Variants in FAM135A observed in about 807,000 individuals in gnomAD.
The protein encoded by FAM135A is family with sequence similarity 135 member A.
In FAM135A, 79 loss-of-function variants were observed where a neutral mutation model predicts 146.8. That is an observed-to-expected ratio of 0.54 (90% CI 0.45 to 0.65). The LOEUF (loss-of-function observed/expected upper bound fraction) is 0.65, where lower values mean the gene tolerates loss of function less well. Ranked by LOEUF, FAM135A falls within the 30% of genes least tolerant of loss-of-function variation. The probability of loss-of-function intolerance (pLI) is 0.00; values close to 1 mark genes in which losing one functional copy is unlikely to be tolerated. For missense variants in FAM135A, 1,623 were observed against 1,758.2 expected, an observed-to-expected ratio of 0.92 and a Z score of 1.38; for synonymous variants, 562 against 603.6, an observed-to-expected ratio of 0.93 and a Z score of 1.01.
chr6:70,557,998 C>G (rs1025299037), intron 21 of FAM135A, among the ~76,000 whole-genome samples: 1 of 152,146 alleles, frequency 6.6e-6, no homozygotes, highest in Non-Finnish European at 1.5e-5. Flanking sequence ...GAGTCTTAAC[C>G]TTCAGATGAG....
chr6:70,507,165 G>C (rs1379431891), intron 12 of FAM135A, among the ~76,000 whole-genome samples: 2 of 152,016 alleles, frequency 1.3e-5, no homozygotes, highest in Non-Finnish European at 2.9e-5. Flanking sequence ...AATCATGGAA[G>C]GATAATAAAG....
intron 11 of FAM135A, among the ~76,000 whole-genome samples, chr6:70,498,152 C>A (rs1787730940): frequency 6.6e-6 from 1 of 151,962 alleles, no homozygotes; most frequent in African/African-American, 2.4e-5. Context: ...CAATTTCAGA[C>A]CTTGTTATTG....
intron 5 of FAM135A, among the ~76,000 whole-genome samples, chr6:70,456,928 G>A (rs1259708130): frequency 2.0e-5 from 3 of 152,150 alleles, no homozygotes; most frequent in Non-Finnish European, 2.9e-5. Flanking sequence ...CTTTTCAGGC[G>A]TGGTAGTGGC....
At chr6:70,501,336 C>A (rs975020737) in intron 11 of FAM135A, among the ~76,000 whole-genome samples, 1 of 152,176 alleles carries the variant, frequency 6.6e-6, no homozygotes. Context: ...ATGGCAGACA[C>A]CCCTCCCCTA....
chr6:70,486,255 A>G (rs1252413663), intron 10 of FAM135A: 2 of 1,610,890 alleles, frequency 1.2e-6, no homozygotes, highest in African/African-American at 2.7e-5. Flanking sequence ...GTACGTTTAC[A>G]AATAGCTTAA....
intron 5 of FAM135A, among the ~76,000 whole-genome samples, chr6:70,461,510 A>G (rs1033369122): frequency 1.3e-5 from 2 of 152,232 alleles, no homozygotes; most frequent in African/African-American, 4.8e-5. Flanking sequence ...AATTTCTATT[A>G]TATAGCAAGT....
At chr6:70,556,685 ATAC>A in intron 20 of FAM135A, 62 bp from the exon 21 acceptor site, 1 of 1,071,650 alleles carries the variant, frequency 9.3e-7, no homozygotes, top group Non-Finnish European at 1.3e-6. Context: ...ACTTAATATG[ATAC>A]TAATAACTTG....
intron 4 of FAM135A, among the ~76,000 whole-genome samples, chr6:70,440,623 G>A (rs1389192589): frequency 6.6e-6 from 1 of 152,190 alleles, no homozygotes; most frequent in African/African-American, 2.4e-5. Context: ...GGGAGGCAGA[G>A]GTTGCAGTGA....
At chr6:70,516,108 G>A (rs1792141175) in intron 12 of FAM135A, among the ~76,000 whole-genome samples, 1 of 152,100 alleles carries the variant, frequency 6.6e-6, no homozygotes, top group South Asian at 2.1e-4. Context: ...CAGTTTTACA[G>A]TTGTTTGCAG....
chr6:70,419,077 A>G lies in FAM135A; in HGVS notation c.-134+3701A>G, dbSNP rs139193562. ...TCGGCTACAGAACATGACTGTTACA[A>G]TAATACTTGGTTATTTACAACAGAA... is the stretch of plus-strand genomic sequence containing the variant. On this transcript the variant is annotated intron_variant, in intron 2 of 21. Transcript: ENST00000418814. Among the ~76,000 whole-genome samples the G allele has an allele frequency of 1.4e-3, 217 of 152,358 alleles. 1 individual carries two copies. Among genetic ancestry groups the G allele is most frequent in the Middle Eastern group, 6.8e-3 (2 of 294 alleles).
chr6:70,426,716 G>T (rs1770233661), intron 3 of FAM135A, 184 bp downstream of exon 3: 1 of 152,176 alleles, frequency 6.6e-6, no homozygotes. Context: ...CAAGGTCGAG[G>T]ATTGTTTATG....
At chr6:70,444,566 TAAGAAAAAGAATAA>T (rs1221782642) in intron 4 of FAM135A, among the ~76,000 whole-genome samples, 1 of 151,934 alleles carries the variant, frequency 6.6e-6, no homozygotes, top group East Asian at 1.9e-4. Context: ...CCTGTCTCAA[TAAGAAAAAGAATAA>T]AAGAAAAAAA....
At chr6:70,533,592 T>G (rs1015910384) in intron 17 of FAM135A, among the ~76,000 whole-genome samples, 165 bp from the exon 18 acceptor site, 2 of 152,170 alleles carry the variant, frequency 1.3e-5, no homozygotes, top group Non-Finnish European at 1.5e-5. Context: ...AAATTTACTC[T>G]CTTTGCTCGT....
rs34200919 is a variant in FAM135A at position 70,523,255 on chromosome 6, C to CAT, written c.1103+674_1103+675dup. On this transcript the variant is annotated intron_variant, in intron 13 of 21. Transcript: ENST00000418814. ...CTGAGTAGATGGAAATGTTCTGTAT[C>CAT]ATATATCCATTTGTCAAAAGCATAC... Among the ~76,000 whole-genome samples, 648 of 152,138 alleles carry CAT rather than the reference C, an allele frequency of 4.3e-3. 5 individuals are homozygous for CAT. The highest frequency in any genetic ancestry group is 0.01 in the Middle Eastern group (3 of 294).
At chr6:70,421,423 C>T (rs1768828381) in intron 2 of FAM135A, among the ~76,000 whole-genome samples, 1 of 152,192 alleles carries the variant, frequency 6.6e-6, no homozygotes, top group Admixed American at 6.5e-5. Context: ...CAGAGCAGCT[C>T]TAGAGGACCA....
intron 12 of FAM135A, among the ~76,000 whole-genome samples, chr6:70,512,436 A>T (rs947198620): frequency 1.3e-5 from 2 of 150,686 alleles, no homozygotes; most frequent in Non-Finnish European, 3.0e-5. Flanking sequence ...ATAAAAAATC[A>T]TTTTTTTTTC....
chr6:70,509,879 G>A (rs1790601397), intron 12 of FAM135A, among the ~76,000 whole-genome samples: 1 of 152,126 alleles, frequency 6.6e-6, no homozygotes, highest in South Asian at 2.1e-4. Flanking sequence ...AGTAAATTAA[G>A]ACTTCAAACA....
intron 5 of FAM135A, among the ~76,000 whole-genome samples, chr6:70,464,667 C>CTTTTTTTTT (rs533623758): frequency 8.5e-4 from 84 of 99,320 alleles, no homozygotes; most frequent in Non-Finnish European, 1.3e-3. Flanking sequence ...TCTTTTTTTT[C>CTTTTTTTTT]TTTTTTTTTT....
At position 70,480,921 on chromosome 6, in the gene FAM135A, C is replaced by T; in HGVS notation, c.563C>T (p.Thr188Ile). 6.2e-7 allele frequency: 1 copy of T among 1,611,340 alleles called. No individual in the cohort carries two copies. The highest frequency in any genetic ancestry group is 8.5e-7 in the Non-Finnish European group (1 of 1,178,930). Residue 188 changes from threonine (T) to isoleucine (I), a missense_variant, in exon 9 of 22, where the codon ACA becomes ATA. By Grantham distance (89) the Thr-to-Ile change is moderately conservative (BLOSUM62 -1). This residue lies in a region of FAM135A where 206 missense variants were observed against 194.7 expected (regional missense o/e 1.06). Transcript: ENST00000418814. The part of the protein sequence containing the change: ...PLISFPRPVK[T>I]TWLNRNAPAQ... ...TCCAGCTTTCCTCGCCCTGTGAAGACAACTTGGTTAAATAGAAATGCACCA... is the reference window on the plus strand; with the variant it reads ...TCCAGCTTTCCTCGCCCTGTGAAGATAACTTGGTTAAATAGAAATGCACCA...
Sources: gnomAD v4.1 joint callset for allele counts (sites outside exome capture counted in the v4.1 genomes callset) on GRCh38, gnomAD v4.1.1 for gene constraint, gnomAD v4.1.1 regional missense constraint, MANE v1.5 for transcripts, NCBI Gene and HGNC (gene_info 2026-07-23, HGNC 2026-07-21) for gene names.